The following DMD variants were observed in gnomAD, a reference collection of about 807,000 sequenced individuals.
DMD encodes the protein mutant dystrophin.
Under a neutral mutation model 330.1 loss-of-function variants are expected in DMD, and 63 were observed. The observed-to-expected ratio is 0.19, with a 90% CI of 0.16 to 0.24. The LOEUF (loss-of-function observed/expected upper bound fraction) is 0.24. Among genes scored for constraint, DMD ranks in the 10% least tolerant of loss-of-function variants. The pLI is 1.00. For missense variants in DMD, 3,344 were observed against 2,684.1 expected (o/e 1.25, Z -5.43); for synonymous variants, 1,223 against 959.8 (o/e 1.27, Z -5.07).
At chrX:31,828,027 AAACTC>A (rs1394262928) in intron 49 of DMD, among the ~76,000 whole-genome samples, 1 of 111,959 alleles carries the variant, frequency 8.9e-6, no homozygotes, top group African/African-American at 3.2e-5. Context: ...AGAACAAACT[AAACTC>A]AAATCCAGCA....
intron 7 of DMD, among the ~76,000 whole-genome samples, chrX:32,745,712 T>C (rs1159312946): frequency 8.9e-6 from 1 of 112,159 alleles, no homozygotes; most frequent in Non-Finnish European, 1.9e-5. Context: ...TTAATAAAAG[T>C]TTTCTCGAGG....
At chrX:33,137,670 G>A (rs1195003552) in intron 1 of DMD, among the ~76,000 whole-genome samples, 2 of 111,507 alleles carry the variant, frequency 1.8e-5, no homozygotes, top group African/African-American at 3.3e-5. Flanking sequence ...AACAGTGCCT[G>A]TATATGGTAA....
intron 44 of DMD, among the ~76,000 whole-genome samples, chrX:32,096,665 T>TA (rs771523335): frequency 6.3e-5 from 7 of 110,878 alleles, no homozygotes; most frequent in African/African-American, 2.3e-4. Context: ...AAACTTAAAG[T>TA]AGAGATTTCA....
At chrX:32,826,940 T>C (rs781211724) in intron 4 of DMD, among the ~76,000 whole-genome samples, 130 of 110,540 alleles carry the variant, frequency 1.2e-3, no homozygotes, top group African/African-American at 4.2e-3. Context: ...AATCATATGC[T>C]ACATGGTATA....
rs1264685441 is a variant in DMD at position 32,390,016 on chromosome X, C to T, written c.4344+55G>A. On this transcript the variant is annotated intron_variant, in intron 31 of 78. Coordinates refer to ENST00000357033, the MANE Select transcript of DMD (RefSeq NM_004006.3). ...CAATAATCAAGTTGTCCAATATAGA[C>T]TGGAGTATAATGCCCAACGAAAACA... 5 of 932,342 alleles carry T rather than the reference C, an allele frequency of 5.4e-6. No individual in the cohort carries two copies. The South Asian group carries it at 5.9e-5, about 11-fold the overall frequency. 76.8% of individuals were successfully genotyped at this position (932,342 alleles called of 1,213,427 possible).
In DMD at chrX:31,731,746, GTTC is replaced by G. The variant is rs1383900146; in HGVS notation, c.7543-2001_7543-1999del. Among the ~76,000 whole-genome samples the G allele has an allele frequency of 4.5e-5, 5 of 111,324 alleles. No homozygotes were observed. The Admixed American group carries it at 4.8e-4, about 11-fold the overall frequency. ...TAACAAAGATTATCTTTATTGGGTT[GTTC>G]TTCTTTTAATTCACTCTCACATAAC... On this transcript the variant is annotated intron_variant, in intron 51 of 78. Transcript: ENST00000357033.
chrX:31,138,661 GAGAGAGAGAGAGAGA>G (rs1446921564), intron 76 of DMD, among the ~76,000 whole-genome samples: 13 of 95,526 alleles, frequency 1.4e-4, no homozygotes, highest in Non-Finnish European at 2.5e-4. Context: ...GAGAGAGAGA[GAGAGAGAGAGAGAGA>G]GAGAGAGAGA....
At chrX:32,396,802 C>T (rs762362788) in intron 30 of DMD, among the ~76,000 whole-genome samples, 150 of 111,599 alleles carry the variant, frequency 1.3e-3, no homozygotes, top group Non-Finnish European at 1.4e-3. Flanking sequence ...CATCTTTACA[C>T]ATTAATTCCA....
chrX:33,163,183 G>T (rs1286487727), intron 1 of DMD, among the ~76,000 whole-genome samples: 1 of 111,427 alleles, frequency 9.0e-6, no homozygotes, highest in African/African-American at 3.3e-5. Flanking sequence ...GTGTGAAAAT[G>T]ATGGAATCAA....
intron 1 of DMD, among the ~76,000 whole-genome samples, chrX:33,026,106 T>C (rs925135077): frequency 6.5e-5 from 7 of 107,718 alleles, no homozygotes; most frequent in Non-Finnish European, 9.6e-5. Flanking sequence ...GAGGCCGAGG[T>C]GGGCGGATCA....
intron 46 of DMD, among the ~76,000 whole-genome samples, 194 bp from the exon 47 acceptor site, chrX:31,929,939 T>A (rs1023393887): frequency 9.0e-6 from 1 of 111,390 alleles, no homozygotes; most frequent in African/African-American, 3.3e-5. Context: ...AGTAGATAAA[T>A]CTCTGTAGAA....
chrX:33,101,730 G>C (rs2095241664), intron 1 of DMD, among the ~76,000 whole-genome samples: 1 of 112,624 alleles, frequency 8.9e-6, no homozygotes. Context: ...AATGCGTAGT[G>C]CCTGATAGTG....
In DMD at chrX:32,152,549, C is replaced by G. The variant is rs764046407; in HGVS notation, c.6438+64367G>C. Among the ~76,000 whole-genome samples the G allele has an allele frequency of 3.2e-3, 362 of 111,421 alleles. 1 individual carries two copies. Among genetic ancestry groups the G allele is most frequent in the African/African-American group, 0.011 (333 of 30,733 alleles). ...TTATCTTTTTAATAACACTCACACA[C>G]AGACACATTTTTATACTCAACTTCA... On this transcript the variant is annotated intron_variant, in intron 44 of 78. Transcript: ENST00000357033.
chrX:32,521,932 A>G (rs895609798), intron 17 of DMD, among the ~76,000 whole-genome samples: 3 of 111,373 alleles, frequency 2.7e-5, no homozygotes, highest in Non-Finnish European at 1.9e-5. Flanking sequence ...TGATCTGAAG[A>G]GATCAGTGTT....
intron 11 of DMD, among the ~76,000 whole-genome samples, chrX:32,618,761 G>T (rs763383718): frequency 2.7e-5 from 3 of 110,925 alleles, no homozygotes; most frequent in African/African-American, 9.8e-5. Context: ...AACAAAAAAA[G>T]ATAAATGTTG....
rs767718204 is a variant in DMD at position 31,120,032 on chromosome X, T to C, written c.*1887A>G. The C allele has an allele frequency of 9.1e-6, 1 of 110,484 alleles. No homozygotes were observed. The highest frequency in any genetic ancestry group is 1.9e-5 in the Non-Finnish European group (1 of 52,494). The allele number at this position is 110,484 out of a possible 1,213,427, so 9.1% of individuals were successfully genotyped here. ...TTGATGTTAATTAATTAATTATTAA[T>C]AATGGACAAAACCCACTCTCCAAAA... On this transcript the variant is annotated 3_prime_UTR_variant, in exon 79 of 79. Coordinates refer to ENST00000357033, the MANE Select transcript of DMD (RefSeq NM_004006.3).
At chrX:32,424,034 C>T (rs2098201496) in intron 29 of DMD, among the ~76,000 whole-genome samples, 1 of 110,874 alleles carries the variant, frequency 9.0e-6, no homozygotes, top group Non-Finnish European at 1.9e-5. Flanking sequence ...AGTTTATTAT[C>T]TATGTGTAAA....
At chrX:31,786,475 A>C (rs1011286752) in intron 50 of DMD, among the ~76,000 whole-genome samples, 3 of 111,463 alleles carry the variant, frequency 2.7e-5, no homozygotes, top group Non-Finnish European at 5.6e-5. Context: ...TGATATATTA[A>C]GGCCCAGTGG....
At chrX:32,159,688 T>C (rs2096842183) in intron 44 of DMD, among the ~76,000 whole-genome samples, 1 of 111,657 alleles carries the variant, frequency 9.0e-6, no homozygotes, top group Admixed American at 9.6e-5. Flanking sequence ...AGACAGACAA[T>C]GTAAGATCAC....
Sources: allele counts gnomAD v4.1 joint callset (sites outside exome capture counted in the v4.1 genomes callset), GRCh38; gene constraint gnomAD v4.1.1; transcripts MANE v1.5; gene names NCBI Gene and HGNC (gene_info 2026-07-23, HGNC 2026-07-21).